The following ACSL1 variants were observed in gnomAD, a reference collection of about 807,000 sequenced individuals.
ACSL1 encodes the protein long-chain-fatty-acid--CoA ligase 1.
In ACSL1, 41 loss-of-function variants were observed where a neutral mutation model predicts 98.4. The ratio of observed to expected loss-of-function variants is 0.42; its 90% confidence interval spans 0.32 to 0.54. The LOEUF is 0.54. Among genes scored for constraint, ACSL1 ranks in the 20% least tolerant of loss-of-function variants. The pLI is 0.13. For missense variants in ACSL1, 734 were observed against 883.1 expected, an observed-to-expected ratio of 0.83 and a Z score of 2.14; for synonymous variants, 316 against 322.7, an observed-to-expected ratio of 0.98 and a Z score of 0.22.
chr4:184,757,319 CA>C lies in ACSL1; in HGVS notation c.1957-55del. The C allele has an allele frequency of 6.4e-7, 1 of 1,555,664 alleles. No homozygotes were observed. Among genetic ancestry groups the C allele is most frequent in the Non-Finnish European group, 8.7e-7 (1 of 1,144,720 alleles). On this transcript the variant is annotated intron_variant, in intron 20 of 20. Transcript: ENST00000281455. The surrounding 1 kb of genome is among the most constrained non-coding windows in gnomAD (Gnocchi z 4.5). ...GAAAAAGGACACGGGCCACCAGTCT[CA>C]AAAGCACGTAAGCCTTGGAGGGGAT...
intron 3 of ACSL1, among the ~76,000 whole-genome samples, chr4:184,786,611 T>C (rs1767389032): frequency 6.6e-6 from 1 of 152,140 alleles, no homozygotes; most frequent in South Asian, 2.1e-4. Flanking sequence ...TTAATGCACG[T>C]GCTATGGGAA....
chr4:184,799,689 A>T (rs549745296), intron 2 of ACSL1, among the ~76,000 whole-genome samples: 8 of 152,048 alleles, frequency 5.3e-5, no homozygotes, highest in South Asian at 2.1e-4. Context: ...CTCTAAAAAA[A>T]TTTTTTTTAA....
chr4:184,797,701 C>T (rs1769682155), intron 2 of ACSL1, among the ~76,000 whole-genome samples: 2 of 152,222 alleles, frequency 1.3e-5, no homozygotes, highest in African/African-American at 4.8e-5. Flanking sequence ...AAACAAGTCA[C>T]TTGCATTGAC....
intron 2 of ACSL1, among the ~76,000 whole-genome samples, chr4:184,801,879 C>A (rs1300287031): frequency 6.6e-6 from 1 of 152,236 alleles, no homozygotes; most frequent in African/African-American, 2.4e-5. Flanking sequence ...GTAAGTGCCC[C>A]CACAATTTCT....
intron 2 of ACSL1, among the ~76,000 whole-genome samples, chr4:184,790,115 G>T (rs976203360): frequency 7.9e-5 from 12 of 152,132 alleles, no homozygotes; most frequent in African/African-American, 2.2e-4. Context: ...GGAGGGCCGC[G>T]CTGAGGAGGA....
intron 12 of ACSL1, among the ~76,000 whole-genome samples, chr4:184,767,357 A>G (rs1763775821): frequency 6.6e-6 from 1 of 152,156 alleles, no homozygotes; most frequent in African/African-American, 2.4e-5. Flanking sequence ...TTTGGCCGTT[A>G]AAAGGAATGA....
chr4:184,803,275 G>T lies in ACSL1; in HGVS notation c.195+45C>A. ...TTCAACAGGGCTCAGCTCATCTGGGGAAATGCGGAGAAAACGCACGAGGCA... is the reference window on the plus strand; with the variant it reads ...TTCAACAGGGCTCAGCTCATCTGGGTAAATGCGGAGAAAACGCACGAGGCA... On this transcript the variant is annotated intron_variant, in intron 2 of 20. Coordinates refer to ENST00000281455, the MANE Select transcript of ACSL1 (RefSeq NM_001995.5). The surrounding 1 kb of genome is among the most constrained non-coding windows in gnomAD (Gnocchi z 4.8). 1 of 1,458,802 alleles carries T rather than the reference G, an allele frequency of 6.9e-7. No homozygotes were observed. The highest frequency in any genetic ancestry group is 9.2e-7 in the Non-Finnish European group (1 of 1,090,054). The allele number at this position is 1,458,802 out of a possible 1,614,324, so 90.4% of individuals were successfully genotyped here.
Position 184,757,062 on chromosome 4 carries a change from A to T in ACSL1, c.*63T>A. On this transcript the variant is annotated 3_prime_UTR_variant, in exon 21 of 21. Coordinates refer to ENST00000281455, the MANE Select transcript of ACSL1 (RefSeq NM_001995.5). The surrounding 1 kb of genome is among the most constrained non-coding windows in gnomAD (Gnocchi z 4.5). ...GCTGTATTCAAAATTAACAACATGA[A>T]GGCCATCAGCAGGAGAAGAGATTGT... 1 of 1,488,318 alleles carries T rather than the reference A, an allele frequency of 6.7e-7. No individual in the cohort carries two copies. Among genetic ancestry groups the T allele is most frequent in the Non-Finnish European group, 9.1e-7 (1 of 1,104,750 alleles). The allele number at this position is 1,488,318 out of a possible 1,614,324, so 92.2% of individuals were successfully genotyped here.
chr4:184,818,991 C>T (rs1243760705), intron 1 of ACSL1, among the ~76,000 whole-genome samples: 1 of 151,966 alleles, frequency 6.6e-6, no homozygotes, highest in Admixed American at 6.6e-5. Flanking sequence ...CTAGCATGAT[C>T]GCTGGTGCAT....
In ACSL1 at chr4:184,766,699, T is replaced by A; in HGVS notation, c.1186A>T (p.Arg396Trp). The change falls in exon 13 of 21, where the codon AGG becomes TGG. Residue 396 changes from arginine to tryptophan, a missense_variant. By Grantham distance (101) the Arg-to-Trp change is moderately radical. Transcript: ENST00000281455. This position sits in a 1 kb window ranked among gnomAD's most constrained non-coding sequence, Gnocchi z 4.8. ...KRWLLDFASK[R>W]KEAELRSGII... ...CCGCTGCGAAGCTCTGCTTCTTTCCTCTTGGAGGCAAAGTCCAAGAGCCAT... is the reference window on the plus strand; with the variant it reads ...CCGCTGCGAAGCTCTGCTTCTTTCCACTTGGAGGCAAAGTCCAAGAGCCAT... The A allele has an allele frequency of 6.2e-7, 1 of 1,614,192 alleles. No homozygotes were observed. Among genetic ancestry groups the A allele is most frequent in the Non-Finnish European group, 8.5e-7 (1 of 1,180,024 alleles).
At chr4:184,796,469 C>T (rs55923793) in intron 2 of ACSL1, among the ~76,000 whole-genome samples, 5 of 152,122 alleles carry the variant, frequency 3.3e-5, no homozygotes, top group Non-Finnish European at 7.4e-5. Context: ...ATTCTCTGAG[C>T]ACAACGTCAG....
At chr4:184,821,544 C>T (rs1441317603) in intron 1 of ACSL1, among the ~76,000 whole-genome samples, 1 of 152,216 alleles carries the variant, frequency 6.6e-6, no homozygotes, top group Non-Finnish European at 1.5e-5. Context: ...GACTAGAATA[C>T]ATGAACCCAA....
At chr4:184,774,910 A>AT (rs1176748134) in intron 7 of ACSL1, among the ~76,000 whole-genome samples, 7 of 152,154 alleles carry the variant, frequency 4.6e-5, no homozygotes, top group Admixed American at 3.9e-4. Flanking sequence ...AATTCTGTAC[A>AT]TTTTTTTCAA....
intron 10 of ACSL1, among the ~76,000 whole-genome samples, chr4:184,770,962 A>G (rs1764422540): frequency 6.6e-6 from 1 of 152,154 alleles, no homozygotes; most frequent in African/African-American, 2.4e-5. Context: ...CATCCCTACT[A>G]AAAATACAAA....
Position 184,800,391 on chromosome 4 carries a change from G to A in ACSL1, c.195+2929C>T, listed in dbSNP as rs113503621. On this transcript the variant is annotated intron_variant, in intron 2 of 20. Coordinates refer to ENST00000281455, the MANE Select transcript of ACSL1 (RefSeq NM_001995.5). ...CTGCAACCACGTGTGTCTGGGCTCC[G>A]ACCAATCCGAAAAGGTTTCCAGTCA... is the stretch of plus-strand genomic sequence containing the variant. Among the ~76,000 whole-genome samples, 6 of 152,170 alleles carry A rather than the reference G, an allele frequency of 3.9e-5. 1 individual carries two copies. Among genetic ancestry groups the A allele is most frequent in the Admixed American group, 1.3e-4 (2 of 15,286 alleles).
chr4:184,798,301 A>C (rs576645709), intron 2 of ACSL1: 2 of 152,376 alleles, frequency 1.3e-5, no homozygotes, highest in Non-Finnish European at 2.9e-5. Flanking sequence ...AAAAGTTTTT[A>C]CTTGCTAAAA....
Position 184,783,912 on chromosome 4 carries a change from C to G in ACSL1, c.375+15G>C, listed in dbSNP as rs745769853. On this transcript the variant is annotated intron_variant, in intron 4 of 20. Coordinates refer to ENST00000281455, the MANE Select transcript of ACSL1 (RefSeq NM_001995.5). ...TGCAAGAGGAGTCCACAGAGCCTGTCTCATACAAACTCACCTGTTTATATG... is the reference window on the plus strand; with the variant it reads ...TGCAAGAGGAGTCCACAGAGCCTGTGTCATACAAACTCACCTGTTTATATG... 21 of 1,610,850 alleles carry G rather than the reference C, an allele frequency of 1.3e-5. No homozygotes were observed. The highest frequency in any genetic ancestry group is 1.8e-5 in the Non-Finnish European group (21 of 1,177,484).
intron 2 of ACSL1, among the ~76,000 whole-genome samples, chr4:184,796,061 C>G (rs894763557): frequency 6.6e-6 from 1 of 152,162 alleles, no homozygotes. Flanking sequence ...AGTCAGTGGG[C>G]TGGGAAAGGC....
At position 184,773,720 on chromosome 4, in the gene ACSL1, G is replaced by T; in HGVS notation, c.790-6C>A. ...AGATCTTCAGGTGCTGGAGGCTAAA[G>T]ATTAAAAAAAAAAAAAGCTGGTATA... On this transcript the variant is annotated splice_region_variant and splice_polypyrimidine_tract_variant and intron_variant, in intron 8 of 20. Coordinates refer to ENST00000281455, the MANE Select transcript of ACSL1 (RefSeq NM_001995.5). The surrounding 1 kb of genome is among the most constrained non-coding windows in gnomAD (Gnocchi z 4.3). The T allele has an allele frequency of 7.0e-6, 11 of 1,578,802 alleles. No individual in the cohort carries two copies. Among genetic ancestry groups the T allele is most frequent in the Admixed American group, 1.9e-5 (1 of 53,296 alleles).
Sources: allele counts gnomAD v4.1 joint callset (sites outside exome capture counted in the v4.1 genomes callset), GRCh38; gene constraint gnomAD v4.1.1; non-coding constraint Gnocchi (gnomAD v3.1); transcripts MANE v1.5; gene names NCBI Gene and HGNC (gene_info 2026-07-23, HGNC 2026-07-21).